CREB1: variants seen among roughly 807,000 people sequenced by gnomAD.
The protein encoded by CREB1 is cyclic AMP-responsive element-binding protein 1.
CREB1 carries 2 observed loss-of-function variants against 42.0 expected under a neutral mutation model. The ratio of observed to expected loss-of-function variants is 0.05; its 90% confidence interval spans 0.02 to 0.15. CREB1 has a LOEUF of 0.15. Ranked by LOEUF, CREB1 falls within the 10% of genes least tolerant of loss-of-function variation. The pLI is 1.00. For synonymous variants in CREB1, 123 were observed against 139.9 expected (o/e 0.88, Z 0.85); for missense variants, 199 against 388.9 (o/e 0.51, Z 4.11).
intron 1 of CREB1, among the ~76,000 whole-genome samples, chr2:207,537,174 C>G (rs893338924): frequency 3.3e-5 from 5 of 151,998 alleles, no homozygotes; most frequent in African/African-American, 9.7e-5. Context: ...CCTGCCTCAG[C>G]CTCCCAAGTA....
chr2:207,596,486 T>C (rs1173257919), intron 7 of CREB1, among the ~76,000 whole-genome samples: 2 of 152,244 alleles, frequency 1.3e-5, no homozygotes, highest in African/African-American at 4.8e-5. Context: ...CAGGCTGGAG[T>C]GCAGTGGCGC....
chr2:207,600,238 CATATAT>C lies in CREB1; in HGVS notation c.*3200_*3205del, dbSNP rs71036937. 1,606 of 145,566 alleles carry C rather than the reference CATATAT, an allele frequency of 0.011. 13 individuals carry two copies. The highest frequency in any genetic ancestry group is 0.02 in the African/African-American group (769 of 38,372). The allele number at this position is 145,566 out of a possible 1,614,324, so 9.0% of individuals were successfully genotyped here. A position where few individuals can be genotyped will look rare whatever the true frequency, so the allele number is the denominator to read the frequency against. On this transcript the variant is annotated 3_prime_UTR_variant, in exon 8 of 8. Transcript: ENST00000353267. ...GTGGCATTTGTATAATATATGTGTA[CATATAT>C]ATATATATATATATATATACATACA... is the stretch of plus-strand genomic sequence containing the variant.
At chr2:207,564,935 T>C (rs1037593701) in intron 3 of CREB1, among the ~76,000 whole-genome samples, 1 of 152,206 alleles carries the variant, frequency 6.6e-6, no homozygotes, top group Non-Finnish European at 1.5e-5. Context: ...ACGTGATGTT[T>C]ATAATTGGGA....
intron 1 of CREB1, among the ~76,000 whole-genome samples, chr2:207,538,084 A>G (rs1394795660): frequency 6.6e-6 from 1 of 152,224 alleles, no homozygotes; most frequent in Non-Finnish European, 1.5e-5. Context: ...GAACTGTTAC[A>G]TGAGGTCAGG....
At chr2:207,595,772 T>A (rs946560364) in intron 7 of CREB1, among the ~76,000 whole-genome samples, 10 of 152,110 alleles carry the variant, frequency 6.6e-5, no homozygotes, top group Admixed American at 6.5e-4. Flanking sequence ...TCTTAATATA[T>A]TGCCCAGGCT....
At chr2:207,554,147 G>A (rs188014837) in intron 1 of CREB1, among the ~76,000 whole-genome samples, 2 of 152,282 alleles carry the variant, frequency 1.3e-5, no homozygotes, top group East Asian at 3.9e-4. Context: ...AAATAATGTA[G>A]TCAAGTCTGT....
At chr2:207,565,872 A>G (rs1418892053) in intron 3 of CREB1, among the ~76,000 whole-genome samples, 1 of 152,134 alleles carries the variant, frequency 6.6e-6, no homozygotes, top group East Asian at 1.9e-4. Flanking sequence ...ATAGCTCCTG[A>G]TCTTCTGTAT....
intron 7 of CREB1, among the ~76,000 whole-genome samples, chr2:207,591,365 A>G (rs1187626995): frequency 1.3e-5 from 2 of 152,178 alleles, no homozygotes; most frequent in African/African-American, 4.8e-5. Context: ...TTTATCCCTG[A>G]CAATATTCCT....
chr2:207,541,132 A>G (rs2081083410), intron 1 of CREB1, among the ~76,000 whole-genome samples: 2 of 152,060 alleles, frequency 1.3e-5, no homozygotes, highest in Admixed American at 1.3e-4. Context: ...AGGCAGGAGA[A>G]TAGCTTGAAC....
intron 7 of CREB1, among the ~76,000 whole-genome samples, chr2:207,586,943 T>G (rs1180872475): frequency 6.6e-6 from 1 of 152,178 alleles, no homozygotes; most frequent in East Asian, 1.9e-4. Context: ...GGAAGTATCA[T>G]TAGTTAGAAT....
At chr2:207,550,204 A>T (rs1466460912) in intron 1 of CREB1, 1 of 152,110 alleles carries the variant, frequency 6.6e-6, no homozygotes, top group Non-Finnish European at 1.5e-5. Flanking sequence ...GTTACCCTGG[A>T]GACTTTGGAG....
intron 1 of CREB1, among the ~76,000 whole-genome samples, chr2:207,537,834 T>C (rs1157888682): frequency 6.6e-6 from 1 of 152,210 alleles, no homozygotes; most frequent in Non-Finnish European, 1.5e-5. Flanking sequence ...CAAGGCCCTA[T>C]GAAGATAGGT....
intron 2 of CREB1, among the ~76,000 whole-genome samples, chr2:207,559,428 G>A (rs886777320): frequency 2.6e-5 from 4 of 151,820 alleles, no homozygotes; most frequent in Admixed American, 6.6e-5. Flanking sequence ...CCATTCCTTC[G>A]CATACATACC....
At chr2:207,561,226 A>G (rs952466687) in intron 3 of CREB1, 24 of 1,359,886 alleles carry the variant, frequency 1.8e-5, no homozygotes, top group Admixed American at 3.8e-5. Flanking sequence ...ATTATTCTTT[A>G]TGTCTTTGTC....
At chr2:207,588,739 T>TGTG (rs67564101) in intron 7 of CREB1, among the ~76,000 whole-genome samples, 1 of 148,372 alleles carries the variant, frequency 6.7e-6, no homozygotes, top group Non-Finnish European at 1.5e-5. Context: ...TTTTTTTTTT[T>TGTG]TTTGTGTGTG....
Position 207,597,121 on chromosome 2 carries a change from G to A in CREB1, c.*63G>A. On this transcript the variant is annotated 3_prime_UTR_variant, in exon 8 of 8. Coordinates refer to ENST00000353267, the MANE Select transcript of CREB1 (RefSeq NM_004379.5). ...GGACTGGCTTGGCCACAACCTGAAA[G>A]ACAAAATAAACATTTTATTTTCTAA... The A allele has an allele frequency of 6.8e-7, 1 of 1,480,832 alleles. No homozygotes were observed. Among genetic ancestry groups the A allele is most frequent in the South Asian group, 1.3e-5 (1 of 76,130 alleles). The allele number at this position is 1,480,832 out of a possible 1,614,324, so 91.7% of individuals were successfully genotyped here. A position where few individuals can be genotyped will look rare whatever the true frequency, so the allele number is the denominator to read the frequency against.
At chr2:207,565,765 G>A (rs1190916360) in intron 3 of CREB1, among the ~76,000 whole-genome samples, 3 of 152,108 alleles carry the variant, frequency 2.0e-5, no homozygotes, top group Admixed American at 6.5e-5. Flanking sequence ...TCTGAGTGGC[G>A]TATTAATGAA....
At chr2:207,574,317 T>C (rs775026084) in intron 5 of CREB1, among the ~76,000 whole-genome samples, 10 of 152,208 alleles carry the variant, frequency 6.6e-5, no homozygotes, top group Non-Finnish European at 1.2e-4. Context: ...ATATGTGATA[T>C]TGTGATTTTT....
intron 3 of CREB1, among the ~76,000 whole-genome samples, chr2:207,565,249 T>C (rs1467830057): frequency 6.6e-6 from 1 of 152,198 alleles, no homozygotes; most frequent in African/African-American, 2.4e-5. Context: ...AACTTCATTC[T>C]TGGCTTGGTA....
Sources: allele counts gnomAD v4.1 joint callset (sites outside exome capture counted in the v4.1 genomes callset), GRCh38; gene constraint gnomAD v4.1.1; transcripts MANE v1.5; gene names NCBI Gene and HGNC (gene_info 2026-07-23, HGNC 2026-07-21).